PLD5: variants seen among roughly 807,000 people sequenced by gnomAD.
PLD5 encodes inactive phospholipase D5.
PLD5 carries 36 observed loss-of-function variants against 61.1 expected under a neutral mutation model. The observed-to-expected ratio is 0.59, with a 90% CI of 0.45 to 0.78. The LOEUF is 0.78. Ranked by LOEUF, PLD5 falls within the 30% of genes least tolerant of loss-of-function variation. The probability of loss-of-function intolerance (pLI) is 0.00; values close to 1 mark genes in which losing one functional copy is unlikely to be tolerated. For missense variants in PLD5, 515 were observed against 644.4 expected (o/e 0.80, Z 2.17); for synonymous variants, 243 against 242.8 (o/e 1.00, Z -0.01).
intron 1 of PLD5, among the ~76,000 whole-genome samples, chr1:242,506,728 G>A (rs572335698): frequency 1.5e-4 from 23 of 152,178 alleles, no homozygotes; most frequent in Admixed American, 1.5e-3. Context: ...GGAAACATAA[G>A]CAGAGCTACT....
intron 1 of PLD5, among the ~76,000 whole-genome samples, chr1:242,396,282 C>T (rs572917813): frequency 1.3e-5 from 2 of 152,108 alleles, no homozygotes; most frequent in Non-Finnish European, 1.5e-5. Context: ...GCTAGAAAGA[C>T]CTATTAAATA....
chr1:242,098,972 G>C (rs187834493), intron 9 of PLD5, among the ~76,000 whole-genome samples: 1 of 152,242 alleles, frequency 6.6e-6, no homozygotes, highest in Admixed American at 6.5e-5. Flanking sequence ...TGCCCCTACT[G>C]GGGGGTGCCT....
intron 1 of PLD5, among the ~76,000 whole-genome samples, chr1:242,514,533 G>A (rs979669535): frequency 4.0e-5 from 6 of 151,834 alleles, no homozygotes; most frequent in African/African-American, 7.3e-5. Flanking sequence ...ACAAATCCCC[G>A]TGACATGTGT....
intron 5 of PLD5, among the ~76,000 whole-genome samples, chr1:242,198,956 A>G (rs1025252194): frequency 6.6e-6 from 1 of 151,446 alleles, no homozygotes; most frequent in Non-Finnish European, 1.5e-5. Context: ...CTGGTCTCGG[A>G]CTCCCGATCT....
chr1:242,505,675 G>A (rs76462223), intron 1 of PLD5, among the ~76,000 whole-genome samples: 21 of 152,298 alleles, frequency 1.4e-4, no homozygotes, highest in Admixed American at 8.5e-4. Flanking sequence ...TGAGCTGTGC[G>A]TTAAAAATAG....
chr1:242,127,748 TCAC>T (rs1218481382), intron 5 of PLD5, among the ~76,000 whole-genome samples: 1 of 152,110 alleles, frequency 6.6e-6, no homozygotes, highest in Non-Finnish European at 1.5e-5. Context: ...ATCTCACAAA[TCAC>T]CACTAAAGAA....
intron 2 of PLD5, among the ~76,000 whole-genome samples, chr1:242,325,432 T>TG (rs1189443037): frequency 5.1e-5 from 1 of 19,462 alleles, no homozygotes; most frequent in African/African-American, 2.0e-4. Flanking sequence ...GAGAAAGGGG[T>TG]GGGGGGGAGA....
chr1:242,307,385 G>C (rs1324981487), intron 2 of PLD5, among the ~76,000 whole-genome samples: 2 of 152,200 alleles, frequency 1.3e-5, no homozygotes, highest in East Asian at 1.9e-4. Flanking sequence ...TGATGATGAT[G>C]ATGATAGTAA....
chr1:242,445,527 A>G (rs1276788865), intron 1 of PLD5, among the ~76,000 whole-genome samples: 3 of 152,074 alleles, frequency 2.0e-5, no homozygotes, highest in Non-Finnish European at 4.4e-5. Flanking sequence ...TTTTTATTAG[A>G]GACGGGGTTT....
At chr1:242,221,767 T>A (rs1184578333) in intron 4 of PLD5, among the ~76,000 whole-genome samples, 2 of 152,146 alleles carry the variant, frequency 1.3e-5, no homozygotes, top group Non-Finnish European at 2.9e-5. Flanking sequence ...AATGGGTAGT[T>A]ACCCTGGCAG....
chr1:242,199,629 G>C lies in PLD5; in HGVS notation c.735+20359C>G, dbSNP rs112268898. Among the ~76,000 whole-genome samples the C allele has an allele frequency of 3.4e-3, 516 of 152,152 alleles. 7 individuals are homozygous for C. The highest frequency in any genetic ancestry group is 0.011 in the African/African-American group (457 of 41,496). ...ACGGCCTTCAGTGTATCCACTGAAG[G>C]AACATGCAATGTACCCACCAAACAA... On this transcript the variant is annotated intron_variant, in intron 5 of 9. Transcript: ENST00000536534.
intron 5 of PLD5, among the ~76,000 whole-genome samples, chr1:242,179,999 T>A (rs1036891149): frequency 1.3e-5 from 2 of 152,070 alleles, no homozygotes; most frequent in South Asian, 4.1e-4. Context: ...GTTTCAAATA[T>A]CATCACACTT....
intron 9 of PLD5, among the ~76,000 whole-genome samples, 174 bp downstream of exon 9, chr1:242,100,494 T>C (rs1320955317): frequency 6.6e-6 from 1 of 152,248 alleles, no homozygotes; most frequent in Non-Finnish European, 1.5e-5. Context: ...AAGAGATATT[T>C]GAATGATGAG....
intron 1 of PLD5, among the ~76,000 whole-genome samples, chr1:242,353,606 C>A (rs967248765): frequency 7.2e-5 from 11 of 152,064 alleles, no homozygotes; most frequent in African/African-American, 2.7e-4. Context: ...CTGTAAATTT[C>A]TTTGCATAGT....
chr1:242,385,648 C>T (rs540810481), intron 1 of PLD5, among the ~76,000 whole-genome samples: 2 of 152,246 alleles, frequency 1.3e-5, no homozygotes, highest in East Asian at 1.9e-4. Flanking sequence ...TGGGTCTGAT[C>T]ACCCCAACAC....
At chr1:242,100,619 A>G in intron 9 of PLD5, 49 bp downstream of exon 9, 1 of 1,383,232 alleles carries the variant, frequency 7.2e-7, no homozygotes. Context: ...CTGGACTACC[A>G]CTCCCTGGGT....
chr1:242,357,795 C>T (rs541462212), intron 1 of PLD5, among the ~76,000 whole-genome samples: 37 of 152,186 alleles, frequency 2.4e-4, no homozygotes, highest in African/African-American at 7.7e-4. Flanking sequence ...CCATTAATGA[C>T]TTTTTGATCC....
At chr1:242,260,753 A>T (rs1186662835) in intron 4 of PLD5, among the ~76,000 whole-genome samples, 1 of 152,242 alleles carries the variant, frequency 6.6e-6, no homozygotes, top group Non-Finnish European at 1.5e-5. Flanking sequence ...GATAAATAGA[A>T]CAATCTCCAA....
intron 5 of PLD5, among the ~76,000 whole-genome samples, chr1:242,130,201 G>A (rs371523071): frequency 2.0e-5 from 3 of 152,030 alleles, no homozygotes; most frequent in Non-Finnish European, 1.5e-5. Context: ...ACAGGCTCCC[G>A]CCACCACATG....
Sources: gnomAD v4.1 joint callset for allele counts (sites outside exome capture counted in the v4.1 genomes callset) on GRCh38, gnomAD v4.1.1 for gene constraint, MANE v1.5 for transcripts, NCBI Gene and HGNC (gene_info 2026-07-23, HGNC 2026-07-21) for gene names.